PHF14: variants seen among roughly 807,000 people sequenced by gnomAD.
PHF14 encodes PHD finger protein 14.
In PHF14, 55 loss-of-function variants were observed where a neutral mutation model predicts 117.9. The observed-to-expected ratio is 0.47, with a 90% confidence interval of 0.38 to 0.58. PHF14 has a LOEUF of 0.58. PHF14 is among the 20% of genes least tolerant of loss of function. The pLI is 0.00. For missense variants in PHF14, 978 were observed against 1,122.2 expected, an observed-to-expected ratio of 0.87 and a Z score of 1.84; for synonymous variants, 409 against 368.6, an observed-to-expected ratio of 1.11 and a Z score of -1.26.
At chr7:11,013,182 A>G (rs769970195) in intron 4 of PHF14, among the ~76,000 whole-genome samples, 1 of 152,006 alleles carries the variant, frequency 6.6e-6, no homozygotes, top group African/African-American at 2.4e-5. Context: ...TTTTTATGAG[A>G]TGGAATTTTG....
chr7:11,152,068 C>T (rs1425453305), intron 17 of PHF14, among the ~76,000 whole-genome samples: 1 of 152,092 alleles, frequency 6.6e-6, no homozygotes, highest in East Asian at 1.9e-4. Flanking sequence ...CTTCAGGTAG[C>T]AGAACTGTCA....
chr7:11,167,957 C>T (rs1000697231), intron 17 of PHF14, among the ~76,000 whole-genome samples: 12 of 147,564 alleles, frequency 8.1e-5, no homozygotes, highest in African/African-American at 3.0e-4. Flanking sequence ...ACCTGGGAGG[C>T]GGAGCTTGCA....
At chr7:11,136,969 T>A (rs184131912) in intron 17 of PHF14, among the ~76,000 whole-genome samples, 4 of 152,320 alleles carry the variant, frequency 2.6e-5, no homozygotes, top group Admixed American at 2.6e-4. Context: ...AAATAACCAC[T>A]ACTAACATTT....
chr7:11,037,495 C>T (rs1258039879), intron 10 of PHF14, among the ~76,000 whole-genome samples: 2 of 152,078 alleles, frequency 1.3e-5, no homozygotes, highest in Non-Finnish European at 2.9e-5. Flanking sequence ...TATTTCTAAT[C>T]AATAAACATT....
intron 17 of PHF14, among the ~76,000 whole-genome samples, chr7:11,145,068 A>G (rs1367473184): frequency 6.6e-6 from 1 of 151,948 alleles, no homozygotes; most frequent in African/African-American, 2.4e-5. Flanking sequence ...ATACCTCTGA[A>G]CTGTATACTT....
intron 16 of PHF14, among the ~76,000 whole-genome samples, chr7:11,071,886 T>G (rs1785624428): frequency 6.6e-6 from 1 of 152,240 alleles, no homozygotes; most frequent in Non-Finnish European, 1.5e-5. Context: ...ACTCAGTACT[T>G]TTAATTTTGG....
At chr7:11,111,106 G>A (rs962132367) in intron 16 of PHF14, 6 of 371,652 alleles carry the variant, frequency 1.6e-5, no homozygotes, top group Non-Finnish European at 9.7e-6. Flanking sequence ...TCTACTGTCA[G>A]TGTTCTAAAT....
intron 17 of PHF14, among the ~76,000 whole-genome samples, chr7:11,129,820 A>G (rs1175980944): frequency 6.6e-6 from 1 of 152,010 alleles, no homozygotes; most frequent in Non-Finnish European, 1.5e-5. Context: ...TATGATATCA[A>G]ATTTAAAGTG....
chr7:11,047,515 G>A lies in PHF14; in HGVS notation c.2313-4097G>A, dbSNP rs188961808. Among the ~76,000 whole-genome samples, 2 of 151,762 alleles carry A rather than the reference G, an allele frequency of 1.3e-5. 1 individual carries two copies. The highest frequency in any genetic ancestry group is 4.8e-5 in the African/African-American group (2 of 41,390). On this transcript the variant is annotated intron_variant, in intron 13 of 17. Coordinates refer to ENST00000634607, the MANE Select transcript of PHF14 (RefSeq NM_001007157.2). Reference sequence around the variant, plus strand: ...AGAAGGTATAGAAAATTGAGAAAAGGCCAGACGCAGTGGCTCATGTCTGTA... The same window carrying A: ...AGAAGGTATAGAAAATTGAGAAAAGACCAGACGCAGTGGCTCATGTCTGTA...
At chr7:11,166,046 G>C (rs1789193979) in intron 17 of PHF14, among the ~76,000 whole-genome samples, 2 of 152,168 alleles carry the variant, frequency 1.3e-5, no homozygotes, top group Non-Finnish European at 2.9e-5. Flanking sequence ...AGGTGTTACT[G>C]TTAATTGAGT....
chr7:10,990,868 C>T, intron 4 of PHF14, 21 bp downstream of exon 4: 1 of 1,542,546 alleles, frequency 6.5e-7, no homozygotes, highest in African/African-American at 1.4e-5. Context: ...TTTCTTTTCT[C>T]TCTTTTTAGA....
intron 6 of PHF14, 143 bp from the exon 7 acceptor site, chr7:11,028,538 A>G (rs1284362310): frequency 2.8e-5 from 20 of 707,082 alleles, no homozygotes; most frequent in Non-Finnish European, 3.9e-5. Context: ...TGGCTCGCCT[A>G]TGATTATTGT....
Position 11,013,841 on chromosome 7 carries a change from T to C in PHF14, c.1140T>C (p.Gly380=). 2 of 1,610,992 alleles carry C rather than the reference T, an allele frequency of 1.2e-6. No individual in the cohort carries two copies. Among genetic ancestry groups the C allele is most frequent in the South Asian group, 1.1e-5 (1 of 90,876 alleles). The change falls in exon 5 of 18, where the codon GGT becomes GGC. Residue 380 remains glycine, a synonymous_variant. Transcript: ENST00000634607. ...GGTTTTGTGATGCCTGTAAATGTGG[T>C]GTTTCTCCTAGCTGTGAACTGTGTC... The part of the protein sequence containing the change: ...EPWFCDACKC[G]VSPSCELCPN...
At chr7:11,001,648 TG>T (rs1782881094) in intron 4 of PHF14, among the ~76,000 whole-genome samples, 2 of 144,044 alleles carry the variant, frequency 1.4e-5, no homozygotes, top group Admixed American at 1.4e-4. Context: ...AATGGAATTT[TG>T]TTTTTAATTT....
intron 3 of PHF14, among the ~76,000 whole-genome samples, chr7:10,984,297 G>C (rs1782143452): frequency 6.6e-6 from 1 of 152,106 alleles, no homozygotes. Context: ...GTGGAGATGA[G>C]ACAGCAGTTT....
Position 11,022,949 on chromosome 7 carries a change from G to A in PHF14, c.1287G>A (p.Thr429=), listed in dbSNP as rs759614650. ...ACAAATTACGACCAGTAACACTAAC[G>A]GAAATGAACTATTCCAAATATGGTG... ...DIDKLRPVTL[T]EMNYSKYGAK... The change falls in exon 6 of 18, where the codon ACG becomes ACA. Residue 429 remains threonine, a synonymous_variant. Coordinates refer to ENST00000634607, the MANE Select transcript of PHF14 (RefSeq NM_001007157.2). The A allele has an allele frequency of 3.7e-6, 6 of 1,605,916 alleles. No individual in the cohort carries two copies. The highest frequency in any genetic ancestry group is 2.2e-5 in the East Asian group (1 of 44,766).
intron 17 of PHF14, among the ~76,000 whole-genome samples, chr7:11,156,789 TCAGAAAAAAAA>T (rs1043709911): frequency 1.3e-5 from 2 of 152,090 alleles, no homozygotes; most frequent in African/African-American, 4.8e-5. Flanking sequence ...CGAGACTGTC[TCAGAAAAAAAA>T]CAGAAAAAAG....
intron 16 of PHF14, among the ~76,000 whole-genome samples, chr7:11,066,373 C>T (rs150334643): frequency 6.6e-6 from 1 of 152,320 alleles, no homozygotes; most frequent in Admixed American, 6.5e-5. Flanking sequence ...AATCCTCTCA[C>T]CTCAGCCTCC....
intron 4 of PHF14, among the ~76,000 whole-genome samples, chr7:11,008,831 C>T (rs577373165): frequency 2.6e-5 from 4 of 151,912 alleles, no homozygotes; most frequent in African/African-American, 4.8e-5. Flanking sequence ...GTCAGGAGAT[C>T]GAGACCATCC....
Sources: allele counts gnomAD v4.1 joint callset (sites outside exome capture counted in the v4.1 genomes callset), GRCh38; gene constraint gnomAD v4.1.1; transcripts MANE v1.5; gene names NCBI Gene and HGNC (gene_info 2026-07-23, HGNC 2026-07-21).